The following RICTOR variants were observed in gnomAD, a reference collection of about 807,000 sequenced individuals.
RICTOR encodes the protein RPTOR independent companion of MTOR complex 2, also known as rapamycin-insensitive companion of mTOR.
Under a neutral mutation model 214.9 loss-of-function variants are expected in RICTOR, and 49 were observed. That is an observed-to-expected ratio of 0.23 (90% confidence interval 0.18 to 0.29). RICTOR has a LOEUF of 0.29. RICTOR is among the 10% of genes least tolerant of loss of function. The pLI, the probability that RICTOR is intolerant of heterozygous loss-of-function variation, is 1.00. For synonymous variants in RICTOR, 717 were observed against 711.3 expected (o/e 1.01, Z -0.13); for missense variants, 1,625 against 2,047.0 (o/e 0.79, Z 3.98).
In RICTOR at chr5:38,964,850, A is replaced by C. The variant is rs769372175; in HGVS notation, c.1342T>G (p.Cys448Gly). 1 of 1,609,190 alleles carries C rather than the reference A, an allele frequency of 6.2e-7. No homozygotes were observed. The highest frequency in any genetic ancestry group is 1.1e-5 in the South Asian group (1 of 90,710). Residue 448 changes from cysteine to glycine, a missense_variant, in exon 16 of 38, where the codon TGC becomes GGC. Around this residue, in one of 5 missense-constraint regions of RICTOR, gnomAD observed 1,214 missense variants for 1,470.5 expected, o/e 0.83. Coordinates refer to ENST00000357387, the MANE Select transcript of RICTOR (RefSeq NM_152756.5). ...GCCATATTCATTAGGGTTGGCAAGC[A>C]GTGTAAATGATGGCTATGTGAATGA... ...LPHSHSHHLHCLPTLMNMAAS... is the reference protein window; with the variant it reads ...LPHSHSHHLHGLPTLMNMAAS...
chr5:38,947,515 T>C (rs1406286239), intron 31 of RICTOR, 74 bp from the exon 32 acceptor site: 6 of 1,062,092 alleles, frequency 5.6e-6, no homozygotes, highest in Non-Finnish European at 8.3e-6. Flanking sequence ...AAATAACATA[T>C]ATTCCTACCT....
At chr5:38,973,282 G>A (rs935681126) in intron 10 of RICTOR, among the ~76,000 whole-genome samples, 5 of 152,050 alleles carry the variant, frequency 3.3e-5, no homozygotes, top group South Asian at 2.1e-4. Flanking sequence ...CTCTCCCCCC[G>A]ACAACAAATC....
intron 3 of RICTOR, among the ~76,000 whole-genome samples, chr5:39,016,136 C>A (rs1412868886): frequency 6.6e-6 from 1 of 152,058 alleles, no homozygotes; most frequent in Non-Finnish European, 1.5e-5. Context: ...ATCATGGCAA[C>A]ATAGCAAAGA....
intron 8 of RICTOR, 112 bp downstream of exon 8, chr5:38,981,755 T>G (rs2150061222): frequency 1.4e-6 from 1 of 691,202 alleles, no homozygotes; most frequent in Admixed American, 2.9e-5. Context: ...TGTCGGCTAA[T>G]TTAGGCTTGA....
Position 38,944,486 on chromosome 5 carries a change from T to A in RICTOR, c.4873A>T (p.Ser1625Cys). 1.2e-6 allele frequency: 2 copies of A among 1,612,004 alleles called. No individual in the cohort carries two copies. The highest frequency in any genetic ancestry group is 1.7e-6 in the Non-Finnish European group (2 of 1,178,774). Residue 1625 changes from serine to cysteine, a missense_variant, in exon 36 of 38, where the codon AGT (serine) becomes TGT (cysteine). Physicochemically the swap from Ser to Cys is moderately radical, Grantham distance 112. Transcript: ENST00000357387. ...TCATGACATTTAGTTGAAACTGAAC[T>A]ACTCAAATTAATGACTAATCTTAGA... Reference protein sequence around the residue: ...EVLRLVINLSSSVSTKCHETG... With the variant: ...EVLRLVINLSCSVSTKCHETG...
At position 38,990,626 on chromosome 5, in the gene RICTOR, T is replaced by TATATATG. The variant is rs1329089802; in HGVS notation, c.583+322_583+323insCATATAT. Among the ~76,000 whole-genome samples the TATATATG allele has an allele frequency of 6.7e-3, 607 of 90,076 alleles. 53 individuals carry two copies. Among genetic ancestry groups the TATATATG allele is most frequent in the African/African-American group, 0.022 (535 of 24,042 alleles). The allele number at this position is 90,076 out of a possible 152,430, so 59.1% of individuals were successfully genotyped here. On this transcript the variant is annotated intron_variant, in intron 7 of 37. Coordinates refer to ENST00000357387, the MANE Select transcript of RICTOR (RefSeq NM_152756.5). Reference sequence around the variant, plus strand: ...TATATGATATATATACGATATATGATATATATATCTGACATATATCAGATA... The same window carrying TATATATG: ...TATATGATATATATACGATATATGATATATATGATATATATCTGACATATATCAGATA...
At chr5:38,959,366 A>C in intron 21 of RICTOR, 45 bp from the exon 22 acceptor site, 1 of 1,060,320 alleles carries the variant, frequency 9.4e-7, no homozygotes, top group Non-Finnish European at 1.4e-6. Flanking sequence ...AAATTACTAT[A>C]TTGATACATT....
chr5:38,978,514 G>T, intron 9 of RICTOR, 69 bp downstream of exon 9: 1 of 666,060 alleles, frequency 1.5e-6, no homozygotes. Flanking sequence ...ATGGAATCAC[G>T]CAAACCTAAA....
chr5:39,051,822 G>T (rs1757881138), intron 2 of RICTOR, among the ~76,000 whole-genome samples: 1 of 151,878 alleles, frequency 6.6e-6, no homozygotes, highest in African/African-American at 2.4e-5. Context: ...GTAATAATTA[G>T]GAATGTATAT....
At chr5:38,976,713 A>G (rs1751258817) in intron 9 of RICTOR, among the ~76,000 whole-genome samples, 2 of 152,076 alleles carry the variant, frequency 1.3e-5, no homozygotes, top group Non-Finnish European at 1.5e-5. Flanking sequence ...GTCATAATAT[A>G]CCCTTATTTA....
In RICTOR at chr5:39,074,373, G is replaced by A. The variant is rs1561095453; in HGVS notation, c.5C>T (p.Ala2Val). The A allele has an allele frequency of 1.3e-6, 2 of 1,540,012 alleles. No individual in the cohort carries two copies. The highest frequency in any genetic ancestry group is 1.8e-6 in the Non-Finnish European group (2 of 1,142,356). Reference sequence around the variant, plus strand: ...CAGAGAGCGGCCGCGGCCGATCGCCGCCATATTGACGGGTTTCAGTCACAA... The same window carrying A: ...CAGAGAGCGGCCGCGGCCGATCGCCACCATATTGACGGGTTTCAGTCACAA... M[A>V]AIGRGRSLKN... The change falls in exon 1 of 38, where the codon GCG becomes GTG. Residue 2 changes from alanine (A) to valine (V), a missense_variant. Ala to Val is a moderately conservative substitution (Grantham distance 64, BLOSUM62 0). Around this residue, in one of 5 missense-constraint regions of RICTOR, gnomAD observed 71 missense variants for 57.9 expected, o/e 1.23. Coordinates refer to ENST00000357387, the MANE Select transcript of RICTOR (RefSeq NM_152756.5).
chr5:39,001,626 A>C (rs1049861103), intron 5 of RICTOR, among the ~76,000 whole-genome samples: 2 of 152,040 alleles, frequency 1.3e-5, no homozygotes, highest in African/African-American at 4.8e-5. Flanking sequence ...CTGAAACAAG[A>C]CATTTTCAAT....
intron 2 of RICTOR, among the ~76,000 whole-genome samples, chr5:39,052,729 A>T (rs1757937513): frequency 6.6e-6 from 1 of 152,220 alleles, no homozygotes; most frequent in South Asian, 2.1e-4. Flanking sequence ...CTCAAAGTAC[A>T]TTGACAATGG....
At chr5:38,950,811 T>G (rs1033091543) in intron 30 of RICTOR, 91 bp from the exon 31 acceptor site, 1 of 1,162,336 alleles carries the variant, frequency 8.6e-7, no homozygotes. Context: ...AAATTTTTTT[T>G]TAGTCATCTA....
At chr5:38,989,044 C>T (rs1046354565) in intron 7 of RICTOR, among the ~76,000 whole-genome samples, 2 of 152,064 alleles carry the variant, frequency 1.3e-5, no homozygotes, top group African/African-American at 4.8e-5. Flanking sequence ...AAAAAGACCC[C>T]ATATAGCCAA....
chr5:38,995,000 C>G (rs1753074009), intron 6 of RICTOR, among the ~76,000 whole-genome samples: 1 of 152,044 alleles, frequency 6.6e-6, no homozygotes, highest in South Asian at 2.1e-4. Context: ...CTAAAGTTTT[C>G]CGGGGGCTCC....
At position 38,962,551 on chromosome 5, in the gene RICTOR, A is replaced by C. The variant is rs200710631; in HGVS notation, c.1602T>G (p.Asp534Glu). 2 of 1,581,782 alleles carry C rather than the reference A, an allele frequency of 1.3e-6. No homozygotes were observed. The highest frequency in any genetic ancestry group is 1.7e-5 in the Admixed American group (1 of 57,870). The change falls in exon 18 of 38, where the codon GAT (aspartate) becomes GAG (glutamate). Residue 534 changes from aspartate (D) to glutamate (E), a missense_variant. By Grantham distance (45) the Asp-to-Glu change is conservative. Coordinates refer to ENST00000357387, the MANE Select transcript of RICTOR (RefSeq NM_152756.5). ...TCTCTTTATGTTGAAGGACTTGGCTATCTCTAAGGTTAATTAAAAGAGCTT... is the reference window on the plus strand; with the variant it reads ...TCTCTTTATGTTGAAGGACTTGGCTCTCTCTAAGGTTAATTAAAAGAGCTT... ...TEEALLINLR[D>E]SQVLQHKENL...
intron 7 of RICTOR, among the ~76,000 whole-genome samples, chr5:38,982,543 T>C (rs1288410449): frequency 6.6e-6 from 1 of 152,168 alleles, no homozygotes; most frequent in East Asian, 1.9e-4. Flanking sequence ...CATGAATTAG[T>C]TACACTTCGG....
In RICTOR at chr5:38,959,402, T is replaced by C. The variant is rs554286124; in HGVS notation, c.2052-81A>G. The stretch of plus-strand genomic sequence containing the variant: ...AATTAAACAAATATTTTTTCCAGCT[T>C]TACTGAAGTATAAATGACAAATAAA... On this transcript the variant is annotated intron_variant, in intron 21 of 37. Coordinates refer to ENST00000357387, the MANE Select transcript of RICTOR (RefSeq NM_152756.5). The C allele has an allele frequency of 4.6e-5, 36 of 790,652 alleles. 1 individual carries two copies. In the Admixed American group the frequency reaches 1.0e-3, roughly 22 times the overall value. 49.0% of individuals were successfully genotyped at this position (790,652 alleles called of 1,614,324 possible).
Sources: allele counts gnomAD v4.1 joint callset (sites outside exome capture counted in the v4.1 genomes callset), GRCh38; gene constraint gnomAD v4.1.1; regional missense constraint gnomAD v4.1.1; transcripts MANE v1.5; gene names NCBI Gene and HGNC (gene_info 2026-07-23, HGNC 2026-07-21).